RBFOX1: variants seen among roughly 807,000 people sequenced by gnomAD.
RBFOX1 encodes the protein RNA binding protein fox-1 homolog 1.
A neutral mutation model predicts 57.7 loss-of-function variants in RBFOX1; 8 were observed. The ratio of observed to expected loss-of-function variants is 0.14; its 90% CI spans 0.08 to 0.25. The LOEUF is 0.25. Among genes scored for constraint, RBFOX1 ranks in the 10% least tolerant of loss-of-function variants. The probability of loss-of-function intolerance (pLI) is 1.00; values close to 1 mark genes in which losing one functional copy is unlikely to be tolerated. For synonymous variants in RBFOX1, 326 were observed against 222.4 expected (o/e 1.47, Z -4.15); for missense variants, 611 against 548.5 (o/e 1.11, Z -1.14).
intron 1 of RBFOX1, among the ~76,000 whole-genome samples, chr16:5,373,100 A>G (rs2065900483): frequency 6.6e-6 from 1 of 152,222 alleles, no homozygotes; most frequent in Non-Finnish European, 1.5e-5. Flanking sequence ...GCAGTGTGGA[A>G]AGGATGGAGT....
intron 2 of RBFOX1, among the ~76,000 whole-genome samples, chr16:6,479,985 G>A (rs1378821026): frequency 1.3e-5 from 2 of 150,796 alleles, no homozygotes; most frequent in African/African-American, 4.9e-5. Context: ...CAGGGGCAGA[G>A]GTTGCAGTGA....
At position 7,693,107 on chromosome 16, in the gene RBFOX1, G is replaced by A. The variant is rs117487663; in HGVS notation, c.996-15949G>A. Among the ~76,000 whole-genome samples the A allele has an allele frequency of 7.4e-4, 112 of 152,138 alleles. 1 individual carries two copies. In the East Asian group the frequency reaches 0.016, roughly 22 times the overall value. ...TGGTGCAACAGCTTGTACATAGTTC[G>A]TATTCTGACATTACCATGACTTTAA... On this transcript the variant is annotated intron_variant, in intron 14 of 15. Coordinates refer to ENST00000550418, the MANE Select transcript of RBFOX1 (RefSeq NM_018723.4).
At chr16:5,480,978 G>C (rs540467747) in intron 2 of RBFOX1, among the ~76,000 whole-genome samples, 1 of 152,336 alleles carries the variant, frequency 6.6e-6, no homozygotes, top group South Asian at 2.1e-4. Context: ...TCTAAAGTCT[G>C]AGCTGAGCAT....
intron 1 of RBFOX1, among the ~76,000 whole-genome samples, chr16:6,204,646 T>C (rs2097241344): frequency 1.3e-5 from 2 of 152,154 alleles, no homozygotes; most frequent in Admixed American, 6.5e-5. Flanking sequence ...ACATATACAG[T>C]GTCCTTAAAA....
At chr16:5,556,670 G>A (rs2045690023) in intron 2 of RBFOX1, among the ~76,000 whole-genome samples, 1 of 152,162 alleles carries the variant, frequency 6.6e-6, no homozygotes, top group Non-Finnish European at 1.5e-5. Flanking sequence ...TCACCCTCGG[G>A]CACCTTCCAT....
chr16:5,649,376 G>T (rs972114442), intron 3 of RBFOX1, among the ~76,000 whole-genome samples: 11 of 152,108 alleles, frequency 7.2e-5, no homozygotes, highest in Non-Finnish European at 1.3e-4. Flanking sequence ...CGCCATGTTG[G>T]CCAGGTTGGT....
chr16:7,121,508 C>T (rs1040067023), intron 4 of RBFOX1, among the ~76,000 whole-genome samples: 1 of 151,902 alleles, frequency 6.6e-6, no homozygotes, highest in Middle Eastern at 3.2e-3. Context: ...ATAAATATAA[C>T]AAACATATAA....
chr16:7,527,459 C>T lies in RBFOX1; in HGVS notation c.270+9070C>T, dbSNP rs138896728. ...GAGCATCAAAGACCCATGTGTTTGA[C>T]GTTCTTTTTTGGACTGGGGTTTCAG... is the stretch of plus-strand genomic sequence containing the variant. On this transcript the variant is annotated intron_variant, in intron 5 of 15. Coordinates refer to ENST00000550418, the MANE Select transcript of RBFOX1 (RefSeq NM_018723.4). Among the ~76,000 whole-genome samples the T allele has an allele frequency of 6.5e-3, 996 of 152,092 alleles. 11 individuals are homozygous for T. Among genetic ancestry groups the T allele is most frequent in the African/African-American group, 0.023 (940 of 41,494 alleles).
At chr16:6,956,218 C>G (rs953033559) in intron 3 of RBFOX1, among the ~76,000 whole-genome samples, 1 of 152,102 alleles carries the variant, frequency 6.6e-6, no homozygotes, top group Non-Finnish European at 1.5e-5. Flanking sequence ...GGAGATCGTG[C>G]AGAGAGGCAG....
intron 4 of RBFOX1, among the ~76,000 whole-genome samples, chr16:7,140,240 A>ATTTTGTCCATTTTCTGAATGGACAAATAT (rs2073380780): frequency 8.5e-6 from 1 of 117,006 alleles, no homozygotes; most frequent in African/African-American, 3.3e-5. Flanking sequence ...TGGACAAATA[A>ATTTTGTCCATTTTCTGAATGGACAAATAT]ATTTTGTCCA....
intron 4 of RBFOX1, among the ~76,000 whole-genome samples, chr16:5,994,057 T>A (rs139772486): frequency 6.6e-6 from 1 of 152,194 alleles, no homozygotes; most frequent in Admixed American, 6.5e-5. Flanking sequence ...AAGAGTTAAA[T>A]GATGCAGGAT....
intron 3 of RBFOX1, among the ~76,000 whole-genome samples, chr16:6,793,511 C>T (rs1413938705): frequency 6.6e-6 from 1 of 152,086 alleles, no homozygotes; most frequent in African/African-American, 2.4e-5. Flanking sequence ...ACATTTTGGC[C>T]ATTTCCAAAC....
chr16:5,254,062 C>A, intron 1 of RBFOX1, among the ~76,000 whole-genome samples: 1 of 152,232 alleles, frequency 6.6e-6, no homozygotes, highest in Non-Finnish European at 1.5e-5. Flanking sequence ...ACTGTGAGGG[C>A]CAGGTCCATG....
At chr16:6,656,734 TGATA>T (rs1449473958) in intron 3 of RBFOX1, among the ~76,000 whole-genome samples, 8 of 152,270 alleles carry the variant, frequency 5.3e-5, no homozygotes, top group African/African-American at 1.7e-4. Flanking sequence ...CTCATATGAC[TGATA>T]GATAAATTTC....
chr16:5,406,397 T>A (rs1040664915), intron 1 of RBFOX1, among the ~76,000 whole-genome samples: 1 of 152,174 alleles, frequency 6.6e-6, no homozygotes. Context: ...GTCAATCTTC[T>A]TATGCCTTCA....
chr16:6,070,824 C>CA (rs1437366592), intron 1 of RBFOX1, among the ~76,000 whole-genome samples: 3 of 151,800 alleles, frequency 2.0e-5, no homozygotes, highest in South Asian at 2.1e-4. Context: ...CTCGCCCCCC[C>CA]CACACACACA....
chr16:5,560,921 G>A (rs566775908), intron 2 of RBFOX1, among the ~76,000 whole-genome samples: 25 of 152,308 alleles, frequency 1.6e-4, no homozygotes, highest in African/African-American at 2.4e-4. Flanking sequence ...GTATGGAGGC[G>A]TTTTGGCTAG....
At chr16:6,018,477 A>G (rs1311477886), upstream of RBFOX1, among the ~76,000 whole-genome samples, 2 of 152,152 alleles carry the variant, frequency 1.3e-5, no homozygotes, top group African/African-American at 4.8e-5. Flanking sequence ...TGCTAGGAGG[A>G]CAATCCCTAG....
At chr16:5,400,404 C>T (rs2066682414) in intron 1 of RBFOX1, among the ~76,000 whole-genome samples, 2 of 152,104 alleles carry the variant, frequency 1.3e-5, no homozygotes, top group Admixed American at 6.6e-5. Context: ...CTGCTTGCTT[C>T]TCTCTTTGTA....
Sources: allele counts gnomAD v4.1 joint callset (sites outside exome capture counted in the v4.1 genomes callset), GRCh38; gene constraint gnomAD v4.1.1; transcripts MANE v1.5; gene names NCBI Gene and HGNC (gene_info 2026-07-23, HGNC 2026-07-21).